GPC5: variants seen among roughly 807,000 people sequenced by gnomAD.
GPC5 encodes glypican-5.
In GPC5, 47 loss-of-function variants were observed where a neutral mutation model predicts 53.9. That is an observed-to-expected ratio of 0.87 (90% CI 0.69 to 1.11). GPC5 has a LOEUF of 1.11. GPC5 is among the 50% of genes most tolerant of loss of function. The pLI, the probability that GPC5 is intolerant of heterozygous loss-of-function variation, is 0.00. For synonymous variants in GPC5, 286 were observed against 263.3 expected, an observed-to-expected ratio of 1.09 and a Z score of -0.84; for missense variants, 748 against 713.1, an observed-to-expected ratio of 1.05 and a Z score of -0.56.
At chr13:91,668,151 G>T (rs573732844) in intron 2 of GPC5, among the ~76,000 whole-genome samples, 2 of 152,084 alleles carry the variant, frequency 1.3e-5, no homozygotes, top group South Asian at 2.1e-4. Context: ...TTCCTTTTCT[G>T]CATGAACCTA....
intron 6 of GPC5, among the ~76,000 whole-genome samples, chr13:91,919,991 T>G (rs1242509766): frequency 6.6e-6 from 1 of 152,188 alleles, no homozygotes; most frequent in Admixed American, 6.5e-5. Flanking sequence ...ACTCCCCATC[T>G]ATGGTGAAAT....
intron 6 of GPC5, among the ~76,000 whole-genome samples, chr13:92,018,566 A>G (rs888862886): frequency 7.9e-5 from 12 of 152,170 alleles, no homozygotes; most frequent in African/African-American, 1.4e-4. Context: ...ATCATCCTCA[A>G]TCTCTGGGGT....
intron 6 of GPC5, among the ~76,000 whole-genome samples, chr13:91,993,911 G>A (rs1365033364): frequency 1.3e-5 from 2 of 152,120 alleles, no homozygotes; most frequent in Non-Finnish European, 2.9e-5. Flanking sequence ...GATACAGTAC[G>A]AAGTCCAAGA....
chr13:92,330,434 G>A (rs572249603), intron 7 of GPC5, among the ~76,000 whole-genome samples: 1 of 152,110 alleles, frequency 6.6e-6, no homozygotes, highest in Admixed American at 6.6e-5. Flanking sequence ...CATCTAACAA[G>A]CAATTTCCAT....
rs192147489 is a variant in GPC5, at chr13:92,780,263, A to C, written c.1562-86019A>C. ...CTTTGATTATAGTTCCTTGTAATTT[A>C]TATTTCACTTAATATAATTAAGTGT... On this transcript the variant is annotated intron_variant, in intron 7 of 7. Transcript: ENST00000377067. 4.5e-4 allele frequency among the ~76,000 whole-genome samples: 68 copies of C among 151,382 alleles called. 2 individuals are homozygous for C. The East Asian group carries it at 0.013, about 29-fold the overall frequency.
At chr13:91,519,282 T>C (rs183072687) in intron 2 of GPC5, among the ~76,000 whole-genome samples, 1 of 152,314 alleles carries the variant, frequency 6.6e-6, no homozygotes, top group Admixed American at 6.5e-5. Context: ...CCCTTTTCTT[T>C]CTTTATTTGT....
chr13:92,452,864 C>T (rs771404067), intron 7 of GPC5, among the ~76,000 whole-genome samples: 2 of 152,118 alleles, frequency 1.3e-5, no homozygotes, highest in Non-Finnish European at 2.9e-5. Flanking sequence ...CCACCACGCC[C>T]GTCAGATTAC....
intron 7 of GPC5, among the ~76,000 whole-genome samples, chr13:92,690,578 T>C (rs2139233057): frequency 6.9e-6 from 1 of 144,114 alleles, no homozygotes; most frequent in South Asian, 2.4e-4. Flanking sequence ...GTCAAAATAA[T>C]TCTCCATCCA....
Position 92,231,242 on chromosome 13 carries a change from C to T in GPC5, c.1561+86253C>T, listed in dbSNP as rs189245349. On this transcript the variant is annotated intron_variant, in intron 7 of 7. Transcript: ENST00000377067. ...ACAATTTGATATAATGTTTTGTCTT[C>T]CTTACAAGAGGTAAACTCAAGACAA... Among the ~76,000 whole-genome samples the T allele has an allele frequency of 4.7e-4, 71 of 152,288 alleles. 1 individual carries two copies. Among genetic ancestry groups the T allele is most frequent in the Admixed American group, 5.9e-4 (9 of 15,294 alleles).
chr13:92,448,739 A>C (rs924613086), intron 7 of GPC5: 2 of 151,700 alleles, frequency 1.3e-5, no homozygotes, highest in Non-Finnish European at 1.5e-5. Flanking sequence ...CTTTGGTATA[A>C]GAATTGCTCA....
At chr13:92,470,580 T>C (rs763435924) in intron 7 of GPC5, among the ~76,000 whole-genome samples, 26 of 152,148 alleles carry the variant, frequency 1.7e-4, no homozygotes, top group Admixed American at 2.6e-4. Context: ...AAGCATGATA[T>C]GGGAGCAGAA....
chr13:92,552,852 A>T (rs983134357), intron 7 of GPC5, among the ~76,000 whole-genome samples: 2 of 151,920 alleles, frequency 1.3e-5, no homozygotes, highest in Non-Finnish European at 2.9e-5. Context: ...TGTTCTTGCT[A>T]ATTTGAAACT....
intron 2 of GPC5, among the ~76,000 whole-genome samples, chr13:91,572,613 A>C (rs1206460356): frequency 6.6e-6 from 1 of 151,976 alleles, no homozygotes; most frequent in Non-Finnish European, 1.5e-5. Context: ...ACAGAGCAAG[A>C]ATGAAATCAT....
intron 7 of GPC5, among the ~76,000 whole-genome samples, chr13:92,216,575 A>G (rs12877406): frequency 2.6e-5 from 4 of 152,204 alleles, no homozygotes; most frequent in African/African-American, 4.8e-5. Flanking sequence ...AAAAGAAACC[A>G]CAAATGATAA....
intron 7 of GPC5, among the ~76,000 whole-genome samples, chr13:92,575,092 C>T (rs1019760485): frequency 3.3e-5 from 5 of 152,168 alleles, no homozygotes; most frequent in Admixed American, 3.3e-4. Context: ...CTTCTGCTCC[C>T]TTCTGGGCAA....
At chr13:92,863,125 C>A (rs902164657) in intron 7 of GPC5, among the ~76,000 whole-genome samples, 2 of 152,124 alleles carry the variant, frequency 1.3e-5, no homozygotes, top group African/African-American at 4.8e-5. Context: ...ACTCCTAATG[C>A]ACTTTGTAGG....
intron 7 of GPC5, among the ~76,000 whole-genome samples, chr13:92,415,767 C>G (rs944284549): frequency 6.6e-6 from 1 of 151,874 alleles, no homozygotes; most frequent in Non-Finnish European, 1.5e-5. Flanking sequence ...GAGAACCTAT[C>G]TAGGTGCATG....
intron 7 of GPC5, chr13:92,447,108 A>T (rs1332901637): frequency 6.6e-6 from 1 of 151,772 alleles, no homozygotes; most frequent in Admixed American, 6.6e-5. Context: ...TTGATTGTTT[A>T]CTTTGTTGTG....
chr13:91,509,455 G>A (rs1366295444), intron 2 of GPC5, among the ~76,000 whole-genome samples: 2 of 97,820 alleles, frequency 2.0e-5, no homozygotes, highest in Non-Finnish European at 5.4e-5. Flanking sequence ...TATTTGCATA[G>A]GCATTCTTAT....
Sources: allele counts gnomAD v4.1 joint callset (sites outside exome capture counted in the v4.1 genomes callset), GRCh38; gene constraint gnomAD v4.1.1; transcripts MANE v1.5; gene names NCBI Gene and HGNC (gene_info 2026-07-23, HGNC 2026-07-21).